The following CDC42SE2 variants were observed in gnomAD, a reference collection of about 807,000 sequenced individuals.
CDC42SE2 encodes CDC42 small effector protein 2.
A neutral mutation model predicts 11.5 loss-of-function variants in CDC42SE2; 3 were observed. That is an observed-to-expected ratio of 0.26 (90% confidence interval 0.12 to 0.67). CDC42SE2 has a LOEUF of 0.67. CDC42SE2 is among the 30% of genes least tolerant of loss of function. CDC42SE2 has a pLI of 0.80. For missense variants in CDC42SE2, 82 were observed against 106.8 expected (o/e 0.77, Z 1.02); for synonymous variants, 33 against 34.8 (o/e 0.95, Z 0.18).
chr5:131,312,212 G>A (rs1440108173), intron 1 of CDC42SE2, among the ~76,000 whole-genome samples: 2 of 151,628 alleles, frequency 1.3e-5, no homozygotes, highest in African/African-American at 2.4e-5. Flanking sequence ...TGTGTGAGGT[G>A]TCAGTGTGCC....
upstream of CDC42SE2, among the ~76,000 whole-genome samples, chr5:131,259,418 G>C (rs185207592): frequency 8.1e-4 from 124 of 152,260 alleles, no homozygotes; most frequent in Admixed American, 3.3e-3. Flanking sequence ...TGGTCAAGTG[G>C]ATTTACTAAG....
At chr5:131,348,923 A>G (rs1384204266) in intron 2 of CDC42SE2, among the ~76,000 whole-genome samples, 1 of 152,192 alleles carries the variant, frequency 6.6e-6, no homozygotes, top group Admixed American at 6.6e-5. Context: ...GTGCTGGGAA[A>G]ACTGGCTAGC....
chr5:131,217,912 C>T, the CDC42SE2 span, among the ~76,000 whole-genome samples: 1 of 152,128 alleles, frequency 6.6e-6, no homozygotes, highest in Non-Finnish European at 1.5e-5. Flanking sequence ...CAGTGGCTTA[C>T]ACCTGTAATC....
chr5:131,385,940 T>C (rs1253619906), intron 4 of CDC42SE2, among the ~76,000 whole-genome samples: 1 of 152,228 alleles, frequency 6.6e-6, no homozygotes, highest in Non-Finnish European at 1.5e-5. Flanking sequence ...TGGAGGTTAA[T>C]ATCCTATTGA....
chr5:131,334,521 A>G (rs1758506204), intron 2 of CDC42SE2, among the ~76,000 whole-genome samples: 1 of 152,084 alleles, frequency 6.6e-6, no homozygotes, highest in African/African-American at 2.4e-5. Flanking sequence ...TATTGATTGG[A>G]ATAGTTTCAG....
At chr5:131,379,077 A>G (rs1186719882) in intron 3 of CDC42SE2, among the ~76,000 whole-genome samples, 4 of 152,220 alleles carry the variant, frequency 2.6e-5, no homozygotes, top group South Asian at 2.1e-4. Context: ...TTAGTTACAC[A>G]ACTCAACTGA....
At chr5:131,224,792 CCA>C in the CDC42SE2 span, among the ~76,000 whole-genome samples, 2 of 151,712 alleles carry the variant, frequency 1.3e-5, no homozygotes, top group Non-Finnish European at 2.9e-5. Context: ...TGCTGAATGG[CCA>C]CAGAGAAAAG....
chr5:131,225,738 A>G, the CDC42SE2 span, among the ~76,000 whole-genome samples: 13 of 152,058 alleles, frequency 8.5e-5, no homozygotes, highest in African/African-American at 2.4e-4. Context: ...TATCCCTACT[A>G]TCTCTCATTG....
At chr5:131,264,830 G>A (rs886866499) in intron 1 of CDC42SE2, among the ~76,000 whole-genome samples, 6 of 152,216 alleles carry the variant, frequency 3.9e-5, no homozygotes, top group Non-Finnish European at 8.8e-5. Flanking sequence ...AGCTGAAAAA[G>A]CGCCCCGATC....
chr5:131,385,502 A>T, intron 3 of CDC42SE2, 41 bp from the exon 4 acceptor site: 1 of 1,423,640 alleles, frequency 7.0e-7, no homozygotes, highest in Non-Finnish European at 9.9e-7. Context: ...TAAGTTGCTC[A>T]TAAGATCACT....
chr5:131,232,029 A>T, the CDC42SE2 span, among the ~76,000 whole-genome samples: 8 of 152,034 alleles, frequency 5.3e-5, no homozygotes, highest in African/African-American at 1.9e-4. Context: ...ACTTCAAGTG[A>T]TCCACCCGCC....
chr5:131,225,854 C>A, the CDC42SE2 span, among the ~76,000 whole-genome samples: 5 of 152,202 alleles, frequency 3.3e-5, no homozygotes, highest in South Asian at 6.2e-4. Flanking sequence ...AAGGTAAGAT[C>A]TTACCAATTG....
At chr5:131,368,433 T>C (rs1441561259) in intron 3 of CDC42SE2, among the ~76,000 whole-genome samples, 3 of 152,158 alleles carry the variant, frequency 2.0e-5, no homozygotes, top group Non-Finnish European at 4.4e-5. Flanking sequence ...TGTTTTGATA[T>C]CTGGGAGGGC....
chr5:131,220,174 G>C, the CDC42SE2 span, among the ~76,000 whole-genome samples: 1 of 152,118 alleles, frequency 6.6e-6, no homozygotes, highest in South Asian at 2.1e-4. Context: ...GAATAACCCT[G>C]TTTTAAAAAT....
At chr5:131,244,825 G>A (rs577526105), upstream of CDC42SE2, among the ~76,000 whole-genome samples, 2 of 152,282 alleles carry the variant, frequency 1.3e-5, no homozygotes, top group East Asian at 1.9e-4. Flanking sequence ...CACTCTGAAG[G>A]GGGGTGGATT....
intron 3 of CDC42SE2, among the ~76,000 whole-genome samples, chr5:131,373,441 C>T (rs943198187): frequency 6.6e-6 from 1 of 152,124 alleles, no homozygotes; most frequent in South Asian, 2.1e-4. Context: ...CAGCTAGATT[C>T]GAACTCTTCT....
At chr5:131,366,701 C>A (rs1749867351) in intron 3 of CDC42SE2, among the ~76,000 whole-genome samples, 1 of 152,028 alleles carries the variant, frequency 6.6e-6, no homozygotes, top group Non-Finnish European at 1.5e-5. Flanking sequence ...ATTAAATCTT[C>A]TTTCAAACTG....
At chr5:131,264,935 G>A (rs367996993) in intron 1 of CDC42SE2, among the ~76,000 whole-genome samples, 2 of 152,148 alleles carry the variant, frequency 1.3e-5, no homozygotes, top group East Asian at 3.8e-4. Context: ...AATTTTGGGG[G>A]GTGATGTGCA....
chr5:131,291,340 A>C (rs575075814), intron 1 of CDC42SE2, among the ~76,000 whole-genome samples: 1 of 152,192 alleles, frequency 6.6e-6, no homozygotes, highest in South Asian at 2.1e-4. Context: ...CCTGGGAACC[A>C]CTCCTAGGAA....
Sources: gnomAD v4.1 joint callset for allele counts (sites outside exome capture counted in the v4.1 genomes callset) on GRCh38, gnomAD v4.1.1 for gene constraint, MANE v1.5 for transcripts, NCBI Gene and HGNC (gene_info 2026-07-23, HGNC 2026-07-21) for gene names.